PHLPP1: variants seen among roughly 807,000 people sequenced by gnomAD.
PHLPP1 encodes PH domain leucine-rich repeat-containing protein phosphatase 1.
Under a neutral mutation model 117.2 loss-of-function variants are expected in PHLPP1, and 42 were observed. That is an observed-to-expected ratio of 0.36 (90% CI 0.28 to 0.46). The LOEUF is 0.46. Ranked by LOEUF, PHLPP1 falls within the 20% of genes least tolerant of loss-of-function variation. The pLI is 1.00. For synonymous variants in PHLPP1, 1,042 were observed against 970.7 expected (o/e 1.07, Z -1.37); for missense variants, 2,084 against 2,241.9 (o/e 0.93, Z 1.42).
intron 10 of PHLPP1, among the ~76,000 whole-genome samples, chr18:62,934,019 T>C (rs938081575): frequency 2.0e-5 from 3 of 152,124 alleles, no homozygotes; most frequent in African/African-American, 7.2e-5. Flanking sequence ...GTTACAGCCA[T>C]AATGAGATAC....
At chr18:62,796,335 A>G (rs1342907463) in intron 1 of PHLPP1, among the ~76,000 whole-genome samples, 1 of 152,244 alleles carries the variant, frequency 6.6e-6, no homozygotes, top group Non-Finnish European at 1.5e-5. Context: ...ACTAAGACAG[A>G]GAGGTCAGTA....
chr18:62,852,281 A>G (rs1411694690), intron 3 of PHLPP1, among the ~76,000 whole-genome samples: 1 of 152,166 alleles, frequency 6.6e-6, no homozygotes, highest in African/African-American at 2.4e-5. Flanking sequence ...TAAGTATAAA[A>G]CTGGTAGCTT....
intron 4 of PHLPP1, among the ~76,000 whole-genome samples, chr18:62,884,548 A>G (rs1431220434): frequency 6.6e-6 from 1 of 152,234 alleles, no homozygotes; most frequent in East Asian, 1.9e-4. Context: ...TAATTGATGC[A>G]AAGTAGGGGG....
intron 2 of PHLPP1, among the ~76,000 whole-genome samples, chr18:62,834,477 C>T (rs867919426): frequency 1.3e-5 from 2 of 152,180 alleles, no homozygotes; most frequent in Middle Eastern, 6.8e-3. Flanking sequence ...CTATTCAATC[C>T]ACAATTCCTA....
At chr18:62,966,465 A>ATTTTTTTTTTTTTTTTTTTTTTTTTTT (rs3087157) in intron 14 of PHLPP1, among the ~76,000 whole-genome samples, 1 of 109,052 alleles carries the variant, frequency 9.2e-6, no homozygotes. Flanking sequence ...AGTTCTACAA[A>ATTTTTTTTTTTTTTTTTTTTTTTTTTT]TTTTTTTTTT....
At chr18:62,953,055 A>G (rs964306634) in intron 12 of PHLPP1, among the ~76,000 whole-genome samples, 2 of 152,226 alleles carry the variant, frequency 1.3e-5, no homozygotes, top group African/African-American at 2.4e-5. Context: ...CACGTTAGTG[A>G]TCACTTAGCC....
At chr18:62,795,492 CA>C (rs11291832) in intron 1 of PHLPP1, among the ~76,000 whole-genome samples, 19,520 of 61,532 alleles carry the variant, frequency 0.32, 888 homozygotes, top group African/African-American at 0.4. Flanking sequence ...GACTCCATCT[CA>C]AAAAAAAAAA....
At chr18:62,976,850 T>C (rs1342650148) in intron 16 of PHLPP1, among the ~76,000 whole-genome samples, 1 of 152,208 alleles carries the variant, frequency 6.6e-6, no homozygotes, top group Non-Finnish European at 1.5e-5. Flanking sequence ...TGAAGGTAGA[T>C]GTTTCTTTGC....
chr18:62,766,090 TATATATATATATAAA>T lies in PHLPP1; in HGVS notation c.1576+48844_1576+48858del, dbSNP rs1390023846. On this transcript the variant is annotated intron_variant, in intron 1 of 16. Coordinates refer to ENST00000262719, the MANE Select transcript of PHLPP1 (RefSeq NM_194449.4). The stretch of plus-strand genomic sequence containing the variant: ...AAAAAAAAAAAAATATATATATATA[TATATATATATATAAA>T]ATATATATATATTTGTACAGAAAAG... Among the ~76,000 whole-genome samples, 268 of 72,230 alleles carry T rather than the reference TATATATATATATAAA, an allele frequency of 3.7e-3. 6 individuals are homozygous for T. Among genetic ancestry groups the T allele is most frequent in the Non-Finnish European group, 5.9e-3 (197 of 33,522 alleles). 47.4% of individuals were successfully genotyped at this position (72,230 alleles called of 152,430 possible).
At chr18:62,875,672 G>T (rs118077501) in intron 4 of PHLPP1, among the ~76,000 whole-genome samples, 1 of 151,542 alleles carries the variant, frequency 6.6e-6, no homozygotes, top group Non-Finnish European at 1.5e-5. Flanking sequence ...TGTATTCTTC[G>T]CAAAAGGTAT....
chr18:62,718,187 T>TTCC (rs1352303850), intron 1 of PHLPP1, among the ~76,000 whole-genome samples: 2 of 152,236 alleles, frequency 1.3e-5, no homozygotes, highest in African/African-American at 4.8e-5. Flanking sequence ...TTACATCCCT[T>TTCC]TCCTCCTCTG....
chr18:62,802,676 A>G (rs931155985), intron 1 of PHLPP1, among the ~76,000 whole-genome samples: 2 of 152,190 alleles, frequency 1.3e-5, no homozygotes, highest in Admixed American at 6.5e-5. Flanking sequence ...ACATATGTAC[A>G]TGTTTTCATC....
chr18:62,938,990 C>CT (rs1174914433), intron 10 of PHLPP1, among the ~76,000 whole-genome samples: 13 of 125,112 alleles, frequency 1.0e-4, no homozygotes, highest in South Asian at 2.7e-4. Flanking sequence ...TTCTTTCTTT[C>CT]TTTCTTTTTT....
Position 62,830,140 on chromosome 18 carries a change from A to C in PHLPP1, c.1682A>C (p.Gln561Pro). The C allele has an allele frequency of 6.2e-7, 1 of 1,608,868 alleles. No individual in the cohort carries two copies. The highest frequency in any genetic ancestry group is 8.5e-7 in the Non-Finnish European group (1 of 1,177,534). The change falls in exon 2 of 17, where the codon CAA becomes CCA. Residue 561 changes from glutamine to proline, a missense_variant. By Grantham distance (76) the Gln-to-Pro change is moderately conservative. Around this residue, in one of 2 missense-constraint regions of PHLPP1, gnomAD observed 1,365 missense variants for 1,605.9 expected, o/e 0.85. Coordinates refer to ENST00000262719, the MANE Select transcript of PHLPP1 (RefSeq NM_194449.4). ...CCAGTGAACCGATGGACAAGACGCC[A>C]AGTCATCCTATGTGGGACCTGCCTG... ...QLPVNRWTRR[Q>P]VILCGTCLIV...
At chr18:62,827,051 T>C (rs1914630641) in intron 1 of PHLPP1, among the ~76,000 whole-genome samples, 1 of 152,150 alleles carries the variant, frequency 6.6e-6, no homozygotes, top group Admixed American at 6.5e-5. Flanking sequence ...TTTGATTCTT[T>C]AGCATTGTGC....
chr18:62,717,040 G>A lies in PHLPP1; in HGVS notation c.1357G>A (p.Gly453Arg). The A allele has an allele frequency of 1.3e-6, 2 of 1,546,288 alleles. No homozygotes were observed. Among genetic ancestry groups the A allele is most frequent in the South Asian group, 1.2e-5 (1 of 83,868 alleles). ...CCCGGGAGGCCTCCAGTCTACCCCC[G>A]GGAGGAGCGGGGTGACCGCGGAGAA... ...VAPGGLQSTP[G>R]RSGVTAEKAP... The change falls in exon 1 of 17, where the codon GGG (glycine) becomes AGG (arginine). Residue 453 changes from glycine to arginine, a missense_variant. Transcript: ENST00000262719.
At chr18:62,750,361 G>C (rs1446875518) in intron 1 of PHLPP1, among the ~76,000 whole-genome samples, 1 of 151,810 alleles carries the variant, frequency 6.6e-6, no homozygotes, top group Non-Finnish European at 1.5e-5. Context: ...CTCTCTCTCT[G>C]TCTCTCCCTG....
In PHLPP1 at chr18:62,718,075, G is replaced by C. The variant is rs150878999; in HGVS notation, c.1576+816G>C. Among the ~76,000 whole-genome samples the C allele has an allele frequency of 3.3e-5, 5 of 152,282 alleles. No homozygotes were observed. The East Asian group carries it at 9.6e-4, about 29-fold the overall frequency. ...CAGTACATTAGCAAATTCTTGACTA[G>C]GGGTGACCCATGTAATGTTTCTCTT... On this transcript the variant is annotated intron_variant, in intron 1 of 16. Transcript: ENST00000262719.
intron 1 of PHLPP1, among the ~76,000 whole-genome samples, chr18:62,750,482 A>G (rs1268960650): frequency 6.6e-6 from 1 of 152,160 alleles, no homozygotes; most frequent in Non-Finnish European, 1.5e-5. Context: ...TACGTAGGAG[A>G]AAAAGAAAAA....
Sources: allele counts gnomAD v4.1 joint callset (sites outside exome capture counted in the v4.1 genomes callset), GRCh38; gene constraint gnomAD v4.1.1; regional missense constraint gnomAD v4.1.1; transcripts MANE v1.5; gene names NCBI Gene and HGNC (gene_info 2026-07-23, HGNC 2026-07-21).